Variants in CNTNAP3 observed in about 807,000 individuals in gnomAD.
CNTNAP3 encodes contactin associated protein family member 3.
In CNTNAP3, 36 loss-of-function variants were observed where a neutral mutation model predicts 92.1. The observed-to-expected ratio is 0.39, with a 90% confidence interval of 0.30 to 0.52. The LOEUF (loss-of-function observed/expected upper bound fraction) is 0.52, where lower values mean the gene tolerates loss of function less well. CNTNAP3 is among the 20% of genes least tolerant of loss of function. CNTNAP3 has a pLI of 0.76. For synonymous variants in CNTNAP3, 232 were observed against 422.3 expected (o/e 0.55, Z 5.53); for missense variants, 534 against 1,069.6 (o/e 0.50, Z 6.98).
chr9:39,084,469 C>T lies in CNTNAP3; in HGVS notation c.3442+1267G>A, dbSNP rs543604495. ...TCAGCCTCCCAAAGTGCTGGGATTA[C>T]AGGCGTAAGCCACCACACCCGGCCA... is the stretch of plus-strand genomic sequence containing the variant. On this transcript the variant is annotated intron_variant, in intron 21 of 23. Transcript: ENST00000297668. Among the ~76,000 whole-genome samples the T allele has an allele frequency of 1.3e-4, 20 of 152,142 alleles. 1 individual carries two copies. The highest frequency in any genetic ancestry group is 2.5e-4 in the Non-Finnish European group (17 of 68,028).
In CNTNAP3 at chr9:39,073,605, G is replaced by C. The variant is rs1007191561; in HGVS notation, c.*285C>G. 1.5e-5 allele frequency: 9 copies of C among 597,882 alleles called. No homozygotes were observed. The highest frequency in any genetic ancestry group is 1.2e-4 in the Admixed American group (4 of 33,704). 37.0% of individuals were successfully genotyped at this position (597,882 alleles called of 1,614,324 possible). On this transcript the variant is annotated 3_prime_UTR_variant, in exon 24 of 24. Coordinates refer to ENST00000297668, the MANE Select transcript of CNTNAP3 (RefSeq NM_033655.5). ...TTTTGGAAGAGAGCCTTTGGACGGG[G>C]AAACTACTGAACAGTGATGAATGGC...
intron 4 of CNTNAP3, among the ~76,000 whole-genome samples, chr9:39,179,291 A>ACACG (rs1822404009): frequency 1.2e-5 from 1 of 83,656 alleles, no homozygotes; most frequent in Non-Finnish European, 2.1e-5. Context: ...CTCTCTACAC[A>ACACG]CACACACACA....
intron 23 of CNTNAP3, among the ~76,000 whole-genome samples, chr9:39,076,271 G>A (rs1454729454): frequency 2.0e-5 from 3 of 152,302 alleles, no homozygotes; most frequent in African/African-American, 4.8e-5. Context: ...GTAAACGTCT[G>A]TAGGACTTGG....
At chr9:39,082,858 C>T (rs899640153) in intron 21 of CNTNAP3, among the ~76,000 whole-genome samples, 1 of 152,258 alleles carries the variant, frequency 6.6e-6, no homozygotes, top group African/African-American at 2.4e-5. Flanking sequence ...TGAACTGCTG[C>T]TCACGAGGCT....
At chr9:39,128,313 C>T (rs1821195637) in intron 13 of CNTNAP3, among the ~76,000 whole-genome samples, 1 of 151,906 alleles carries the variant, frequency 6.6e-6, no homozygotes, top group Non-Finnish European at 1.5e-5. Flanking sequence ...ATATCAATAT[C>T]TCTTATGAAT....
chr9:39,145,513 G>C (rs917833789), intron 10 of CNTNAP3, among the ~76,000 whole-genome samples: 2 of 140,672 alleles, frequency 1.4e-5, no homozygotes, highest in East Asian at 2.2e-4. Flanking sequence ...CAGAGAACTG[G>C]GGTATGAAGT....
chr9:39,130,459 C>T (rs1224492235), intron 13 of CNTNAP3, among the ~76,000 whole-genome samples: 1 of 148,956 alleles, frequency 6.7e-6, no homozygotes, highest in Non-Finnish European at 1.5e-5. Flanking sequence ...AAATGGAGAA[C>T]ATACTAGTGG....
chr9:39,126,359 C>G (rs571732757), intron 13 of CNTNAP3, among the ~76,000 whole-genome samples: 1 of 152,194 alleles, frequency 6.6e-6, no homozygotes, highest in South Asian at 2.1e-4. Context: ...CTGGTGAGTT[C>G]TATCAACACT....
chr9:39,089,478 G>C (rs1276140747), intron 18 of CNTNAP3, among the ~76,000 whole-genome samples: 1 of 152,116 alleles, frequency 6.6e-6, no homozygotes, highest in Non-Finnish European at 1.5e-5. Flanking sequence ...ATAGACATTT[G>C]GGTTGTTTCT....
intron 12 of CNTNAP3, among the ~76,000 whole-genome samples, chr9:39,133,599 T>G (rs1821358508): frequency 6.6e-6 from 1 of 152,042 alleles, no homozygotes; most frequent in Non-Finnish European, 1.5e-5. Context: ...GCAGCTCTAT[T>G]AAAATAAAGT....
At chr9:39,088,268 A>T (rs1489356327) in intron 19 of CNTNAP3, among the ~76,000 whole-genome samples, 155 bp downstream of exon 19, 4 of 89,892 alleles carry the variant, frequency 4.4e-5, no homozygotes, top group Admixed American at 3.7e-4. Context: ...GCTTTTATAC[A>T]TAACCATTAA....
intron 20 of CNTNAP3, chr9:39,086,471 A>G: frequency 2.0e-6 from 1 of 506,032 alleles, no homozygotes; most frequent in Non-Finnish European, 3.3e-6. Context: ...TGATATTTTA[A>G]ATAGTAAAAT....
Position 39,065,389 on chromosome 9 carries a change from T to C in CNTNAP3, c.*8501A>G, listed in dbSNP as rs1248375838. ...TGTCCATTTTCTTGTTGAAGGTCTT[T>C]TAGGCAGTTTACAGTTTGGGGATAT... is the stretch of plus-strand genomic sequence containing the variant. On this transcript the variant is annotated 3_prime_UTR_variant, in exon 24 of 24. Coordinates refer to ENST00000297668, the MANE Select transcript of CNTNAP3 (RefSeq NM_033655.5). Among the ~76,000 whole-genome samples the C allele has an allele frequency of 6.6e-6, 1 of 152,258 alleles. No homozygotes were observed. The highest frequency in any genetic ancestry group is 1.5e-5 in the Non-Finnish European group (1 of 68,042).
intron 14 of CNTNAP3, among the ~76,000 whole-genome samples, chr9:39,117,504 A>G (rs1382567594): frequency 6.6e-6 from 1 of 152,200 alleles, no homozygotes; most frequent in African/African-American, 2.4e-5. Flanking sequence ...CTCAAAGGAA[A>G]GCTTACAAAA....
chr9:39,148,768 G>A (rs1383264146), intron 10 of CNTNAP3, among the ~76,000 whole-genome samples: 4 of 152,072 alleles, frequency 2.6e-5, no homozygotes, highest in African/African-American at 2.4e-5. Context: ...CTCATGATCC[G>A]CTCTCCTCGG....
chr9:39,184,040 C>T (rs898194995), intron 4 of CNTNAP3, among the ~76,000 whole-genome samples: 1 of 146,526 alleles, frequency 6.8e-6, no homozygotes, highest in Non-Finnish European at 1.5e-5. Context: ...TTTGTGTCTG[C>T]GTTCCTTCTT....
At chr9:39,132,897 C>G (rs909731620) in intron 13 of CNTNAP3, 35 bp downstream of exon 13, 43 of 1,519,774 alleles carry the variant, frequency 2.8e-5, no homozygotes, top group Non-Finnish European at 3.4e-5. Context: ...GCCCCGGCCC[C>G]GTGAACCCCT....
At chr9:39,116,008 A>T (rs931093673) in intron 14 of CNTNAP3, among the ~76,000 whole-genome samples, 10 of 152,136 alleles carry the variant, frequency 6.6e-5, no homozygotes, top group Non-Finnish European at 5.9e-5. Context: ...TACAAAAATT[A>T]GCCGGGTGTG....
At chr9:39,088,083 T>C (rs1345941886) in intron 19 of CNTNAP3, among the ~76,000 whole-genome samples, 4 of 152,152 alleles carry the variant, frequency 2.6e-5, no homozygotes, top group Non-Finnish European at 4.4e-5. Context: ...GAGGAGGGAA[T>C]GTATGTCATG....
Sources: allele counts gnomAD v4.1 joint callset (sites outside exome capture counted in the v4.1 genomes callset), GRCh38; gene constraint gnomAD v4.1.1; transcripts MANE v1.5; gene names NCBI Gene and HGNC (gene_info 2026-07-23, HGNC 2026-07-21).